The following ARHGAP6 variants were observed in gnomAD, a reference collection of about 807,000 sequenced individuals.
ARHGAP6 encodes the protein rho GTPase-activating protein 6.
A neutral mutation model predicts 55.7 loss-of-function variants in ARHGAP6; 16 were observed. The observed-to-expected ratio is 0.29, with a 90% CI of 0.19 to 0.44. ARHGAP6 has a LOEUF of 0.44. Among genes scored for constraint, ARHGAP6 ranks in the 20% least tolerant of loss-of-function variants. The probability of loss-of-function intolerance (pLI) is 1.00; values close to 1 mark genes in which losing one functional copy is unlikely to be tolerated. For synonymous variants in ARHGAP6, 382 were observed against 360.9 expected (o/e 1.06, Z -0.66); for missense variants, 698 against 808.9 (o/e 0.86, Z 1.66).
intron 1 of ARHGAP6, among the ~76,000 whole-genome samples, chrX:11,578,898 G>C (rs939770589): frequency 9.0e-6 from 1 of 110,511 alleles, no homozygotes. Flanking sequence ...GATGAAGCTG[G>C]AAACCCTAAT....
rs545524285 is a variant in ARHGAP6 at position 11,206,197 on chromosome X, G to T, written c.749-9201C>A. Reference sequence around the variant, plus strand: ...TTTCAACTTGATGCTAGAGACAGTTGTTTAAATTTATTTTTTATTCATTGA... The same window carrying T: ...TTTCAACTTGATGCTAGAGACAGTTTTTTAAATTTATTTTTTATTCATTGA... On this transcript the variant is annotated intron_variant, in intron 2 of 12. Coordinates refer to ENST00000337414, the MANE Select transcript of ARHGAP6 (RefSeq NM_013427.3). Among the ~76,000 whole-genome samples, 60 of 111,859 alleles carry T rather than the reference G, an allele frequency of 5.4e-4. No individual in the cohort carries two copies. In the South Asian group the frequency reaches 0.021, roughly 40 times the overall value.
chrX:11,467,459 G>A (rs2050304917), intron 1 of ARHGAP6, among the ~76,000 whole-genome samples: 1 of 110,833 alleles, frequency 9.0e-6, no homozygotes, highest in African/African-American at 3.3e-5. Context: ...CCAAAGGCAG[G>A]AAAATTTCCT....
In ARHGAP6 at chrX:11,448,880, C is replaced by T. The variant is rs6640736; in HGVS notation, c.589-194173G>A. Among the ~76,000 whole-genome samples the T allele has an allele frequency of 6.1e-3, 684 of 111,929 alleles. 14 individuals are homozygous for T. Among genetic ancestry groups the T allele is most frequent in the Admixed American group, 0.048 (509 of 10,505 alleles). The stretch of plus-strand genomic sequence containing the variant: ...AATACCAAACATTATCCACACTTCT[C>T]TCCTACCATAAAGTATGTTTCATTG... On this transcript the variant is annotated intron_variant, in intron 1 of 12. Coordinates refer to ENST00000337414, the MANE Select transcript of ARHGAP6 (RefSeq NM_013427.3).
intron 1 of ARHGAP6, among the ~76,000 whole-genome samples, chrX:11,468,861 A>T (rs1288006606): frequency 8.9e-6 from 1 of 112,567 alleles, no homozygotes; most frequent in Non-Finnish European, 1.9e-5. Flanking sequence ...AAGGCCTAAT[A>T]CCTAATGTGA....
chrX:11,229,968 A>T (rs1458565941), intron 2 of ARHGAP6, among the ~76,000 whole-genome samples: 1 of 111,900 alleles, frequency 8.9e-6, no homozygotes, highest in Non-Finnish European at 1.9e-5. Flanking sequence ...TTCATAAAGG[A>T]TTTTCCTTTT....
At chrX:11,265,996 C>A in intron 1 of ARHGAP6, 1 of 911,392 alleles carries the variant, frequency 1.1e-6, no homozygotes, top group Non-Finnish European at 1.4e-6. Context: ...AGTAAGTGCA[C>A]AAATGAGTGA....
At chrX:11,516,234 T>C (rs2050838890) in intron 1 of ARHGAP6, among the ~76,000 whole-genome samples, 1 of 112,808 alleles carries the variant, frequency 8.9e-6, no homozygotes, top group African/African-American at 3.2e-5. Context: ...CTTTTATTTC[T>C]TTTATTGTGG....
chrX:11,503,024 T>C (rs927765792), intron 1 of ARHGAP6, among the ~76,000 whole-genome samples: 1 of 110,820 alleles, frequency 9.0e-6, no homozygotes, highest in African/African-American at 3.3e-5. Context: ...GCCTCCCAAG[T>C]AGCTGGGATT....
At chrX:11,248,929 A>G (rs1448197555) in intron 2 of ARHGAP6, among the ~76,000 whole-genome samples, 1 of 111,681 alleles carries the variant, frequency 9.0e-6, no homozygotes, top group African/African-American at 3.3e-5. Flanking sequence ...ATTTACTCAG[A>G]GGAAAAGAAG....
chrX:11,359,675 T>C lies in ARHGAP6; in HGVS notation c.589-104968A>G, dbSNP rs1325601865. 5.4e-5 allele frequency among the ~76,000 whole-genome samples: 6 copies of C among 110,549 alleles called. No individual in the cohort carries two copies. The East Asian group carries it at 1.7e-3, about 31-fold the overall frequency. ...AAAATCAGAGCAGAACTGAAGGAAATAGAGACACAAAAAACCCTTCAAAAA... is the reference window on the plus strand; with the variant it reads ...AAAATCAGAGCAGAACTGAAGGAAACAGAGACACAAAAAACCCTTCAAAAA... On this transcript the variant is annotated intron_variant, in intron 1 of 12. Transcript: ENST00000337414.
chrX:11,214,584 C>T (rs1315404948), intron 2 of ARHGAP6, among the ~76,000 whole-genome samples: 2 of 112,815 alleles, frequency 1.8e-5, no homozygotes, highest in Non-Finnish European at 3.8e-5. Context: ...CTTCCTTTGC[C>T]AGGATGAGGA....
chrX:11,474,166 ACAC>A (rs1350180739), intron 1 of ARHGAP6, among the ~76,000 whole-genome samples: 5 of 111,550 alleles, frequency 4.5e-5, no homozygotes, highest in Non-Finnish European at 9.4e-5. Context: ...CTTGACAAGC[ACAC>A]ACTACTCCAA....
At chrX:11,308,476 G>C (rs1055580125) in intron 1 of ARHGAP6, among the ~76,000 whole-genome samples, 2 of 111,816 alleles carry the variant, frequency 1.8e-5, no homozygotes, top group Non-Finnish European at 3.8e-5. Flanking sequence ...CCACAGGACA[G>C]AGCTGAACCA....
At chrX:11,419,313 ATC>A (rs769489606) in intron 1 of ARHGAP6, among the ~76,000 whole-genome samples, 12 of 112,107 alleles carry the variant, frequency 1.1e-4, no homozygotes, top group Non-Finnish European at 2.3e-4. Context: ...TGAGTGATTT[ATC>A]TGTTTCCTGT....
chrX:11,182,207 T>A (rs2046323167), intron 5 of ARHGAP6, 89 bp from the exon 6 acceptor site: 9 of 709,162 alleles, frequency 1.3e-5, no homozygotes, highest in Non-Finnish European at 1.9e-5. Context: ...GCCAGCACAG[T>A]GCCGTAACAT....
At chrX:11,590,280 T>A (rs1466224947) in intron 1 of ARHGAP6, among the ~76,000 whole-genome samples, 2 of 111,553 alleles carry the variant, frequency 1.8e-5, no homozygotes, top group Admixed American at 9.6e-5. Flanking sequence ...TCTCCCTTTT[T>A]TATCTAAATT....
chrX:11,323,582 G>A (rs1223646951), intron 1 of ARHGAP6, among the ~76,000 whole-genome samples: 2 of 112,019 alleles, frequency 1.8e-5, no homozygotes, highest in South Asian at 3.7e-4. Context: ...GAAGTGATGA[G>A]GGCTGAGTGT....
At chrX:11,297,838 T>C (rs915325688) in intron 1 of ARHGAP6, among the ~76,000 whole-genome samples, 1 of 112,455 alleles carries the variant, frequency 8.9e-6, no homozygotes, top group Admixed American at 9.4e-5. Flanking sequence ...CATCATGTCA[T>C]ATTATTATGT....
intron 1 of ARHGAP6, among the ~76,000 whole-genome samples, chrX:11,309,223 T>C (rs1335800036): frequency 9.0e-6 from 1 of 111,692 alleles, no homozygotes; most frequent in Non-Finnish European, 1.9e-5. Flanking sequence ...GAGCCTGAAA[T>C]ACACACACCG....
Sources: gnomAD v4.1 joint callset for allele counts (sites outside exome capture counted in the v4.1 genomes callset) on GRCh38, gnomAD v4.1.1 for gene constraint, MANE v1.5 for transcripts, NCBI Gene and HGNC (gene_info 2026-07-23, HGNC 2026-07-21) for gene names.